The following MARCHF1 variants were observed in gnomAD, a reference collection of about 807,000 sequenced individuals.
MARCHF1 encodes E3 ubiquitin-protein ligase MARCHF1.
Under a neutral mutation model 54.2 loss-of-function variants are expected in MARCHF1, and 40 were observed. The ratio of observed to expected loss-of-function variants is 0.74; its 90% CI spans 0.57 to 0.96. The LOEUF (loss-of-function observed/expected upper bound fraction) is 0.96. MARCHF1 is among the 40% of genes least tolerant of loss of function. The pLI is 0.00. For missense variants in MARCHF1, 586 were observed against 656.5 expected, an observed-to-expected ratio of 0.89 and a Z score of 1.17; for synonymous variants, 236 against 236.3, an observed-to-expected ratio of 1.00 and a Z score of 0.01.
chr4:163,899,875 T>C (rs905529235), intron 3 of MARCHF1, among the ~76,000 whole-genome samples: 3 of 133,198 alleles, frequency 2.3e-5, no homozygotes, highest in African/African-American at 7.9e-5. Context: ...TATGCCTTTC[T>C]TTTTCTTTTT....
At chr4:164,092,422 A>G (rs1755324148) in intron 2 of MARCHF1, among the ~76,000 whole-genome samples, 1 of 152,126 alleles carries the variant, frequency 6.6e-6, no homozygotes, top group Non-Finnish European at 1.5e-5. Flanking sequence ...AGCCTGACAG[A>G]AGGTGGGGGA....
intron 4 of MARCHF1, among the ~76,000 whole-genome samples, chr4:163,845,274 C>T (rs1265388488): frequency 1.3e-5 from 2 of 151,918 alleles, no homozygotes; most frequent in Non-Finnish European, 2.9e-5. Context: ...CTAACAGGTC[C>T]CATTTATTTC....
At chr4:163,716,265 T>C (rs13143878) in intron 4 of MARCHF1, among the ~76,000 whole-genome samples, 46,049 of 151,880 alleles carry the variant, frequency 0.3, 8,740 homozygotes, top group Non-Finnish European at 0.43. Flanking sequence ...TGTATGATAA[T>C]TTGGATTTAG....
chr4:163,842,555 G>A (rs1749370228), intron 4 of MARCHF1, among the ~76,000 whole-genome samples: 1 of 151,830 alleles, frequency 6.6e-6, no homozygotes, highest in African/African-American at 2.4e-5. Context: ...TTACTTACAG[G>A]GTAAACTTTG....
intron 9 of MARCHF1, among the ~76,000 whole-genome samples, chr4:163,532,057 A>G (rs542059155): frequency 8.6e-5 from 13 of 152,024 alleles, no homozygotes; most frequent in African/African-American, 3.1e-4. Context: ...TATCCCATTC[A>G]GAATTCCAGC....
At chr4:163,625,594 G>A (rs1417951073) in intron 5 of MARCHF1, among the ~76,000 whole-genome samples, 3 of 152,028 alleles carry the variant, frequency 2.0e-5, no homozygotes, top group East Asian at 1.9e-4. Context: ...GCATCACAGC[G>A]AACAAAAAAG....
chr4:164,182,100 A>G (rs1730847428), intron 1 of MARCHF1, among the ~76,000 whole-genome samples: 1 of 152,234 alleles, frequency 6.6e-6, no homozygotes, highest in East Asian at 1.9e-4. Context: ...GATAAACATT[A>G]CATTGACAAA....
chr4:163,578,891 G>A (rs1740125792), intron 8 of MARCHF1, among the ~76,000 whole-genome samples: 1 of 152,138 alleles, frequency 6.6e-6, no homozygotes, highest in Non-Finnish European at 1.5e-5. Flanking sequence ...TTAATAAACT[G>A]GGCATGATTG....
chr4:164,035,194 T>C (rs1395493522), intron 2 of MARCHF1, among the ~76,000 whole-genome samples: 2 of 152,106 alleles, frequency 1.3e-5, no homozygotes, highest in Non-Finnish European at 2.9e-5. Flanking sequence ...AAGAGTTTTA[T>C]ATATTTTAGT....
At chr4:164,118,431 T>TAAATA (rs1560912853) in intron 1 of MARCHF1, among the ~76,000 whole-genome samples, 2 of 150,876 alleles carry the variant, frequency 1.3e-5, no homozygotes, top group Admixed American at 1.3e-4. Flanking sequence ...TATAAAGATA[T>TAAATA]TATTTGTATA....
At chr4:164,334,881 C>T (rs565388906) in intron 1 of MARCHF1, among the ~76,000 whole-genome samples, 23 of 152,088 alleles carry the variant, frequency 1.5e-4, no homozygotes, top group African/African-American at 5.6e-4. Flanking sequence ...TTTATTCCAA[C>T]CTTCATGGAC....
At chr4:164,197,293 T>C (rs1347876516) in intron 1 of MARCHF1, 2 of 1,611,750 alleles carry the variant, frequency 1.2e-6, no homozygotes, top group South Asian at 2.2e-5. Flanking sequence ...GCTGTCGAGA[T>C]ATGTGAGTTG....
At chr4:163,855,215 A>G (rs1749739354) in intron 3 of MARCHF1, among the ~76,000 whole-genome samples, 2 of 152,174 alleles carry the variant, frequency 1.3e-5, no homozygotes, top group African/African-American at 4.8e-5. Context: ...CGAAAGTGAT[A>G]AAAAAGATCT....
chr4:163,846,404 C>T (rs1031417443), intron 4 of MARCHF1, among the ~76,000 whole-genome samples: 6 of 152,188 alleles, frequency 3.9e-5, no homozygotes, highest in Admixed American at 2.6e-4. Flanking sequence ...GTTTGCGGGG[C>T]AATTCTGGTC....
intron 1 of MARCHF1, among the ~76,000 whole-genome samples, chr4:164,240,311 T>C (rs1050161627): frequency 6.6e-6 from 1 of 152,238 alleles, no homozygotes; most frequent in Non-Finnish European, 1.5e-5. Flanking sequence ...TGGGAGTAGC[T>C]TGACTATGTT....
intron 1 of MARCHF1, among the ~76,000 whole-genome samples, chr4:164,342,386 T>C (rs1300450515): frequency 3.3e-5 from 5 of 152,180 alleles, no homozygotes; most frequent in African/African-American, 9.6e-5. Flanking sequence ...ACAGCTCTCA[T>C]GGAAAACATT....
chr4:164,252,321 A>G (rs1401903069), intron 1 of MARCHF1, among the ~76,000 whole-genome samples: 1 of 149,876 alleles, frequency 6.7e-6, no homozygotes, highest in African/African-American at 2.5e-5. Context: ...GTCTCTCTCC[A>G]CCATCAAAAA....
intron 2 of MARCHF1, among the ~76,000 whole-genome samples, chr4:164,068,012 A>G (rs1754766065): frequency 6.6e-6 from 1 of 152,236 alleles, no homozygotes. Flanking sequence ...AAATAAAACC[A>G]CAATGAAATA....
At chr4:163,607,815 A>G (rs1301021363) in intron 7 of MARCHF1, among the ~76,000 whole-genome samples, 2 of 152,122 alleles carry the variant, frequency 1.3e-5, no homozygotes. Flanking sequence ...CATTTTAAAA[A>G]TACAAGTTAA....
Sources: gnomAD v4.1 joint callset for allele counts (sites outside exome capture counted in the v4.1 genomes callset) on GRCh38, gnomAD v4.1.1 for gene constraint, MANE v1.5 for transcripts, NCBI Gene and HGNC (gene_info 2026-07-23, HGNC 2026-07-21) for gene names.